Variants in CROCC2 observed in about 807,000 individuals in gnomAD.
CROCC2 encodes the protein ciliary rootlet coiled-coil protein 2.
CROCC2 carries 163 observed loss-of-function variants against 177.6 expected under a neutral mutation model. That is an observed-to-expected ratio of 0.92 (90% confidence interval 0.81 to 1.05). CROCC2 has a LOEUF of 1.05. Among genes scored for constraint, CROCC2 ranks in the 50% least tolerant of loss-of-function variants. The pLI is 0.00. For missense variants in CROCC2, 1,929 were observed against 1,797.8 expected, an observed-to-expected ratio of 1.07 and a Z score of -1.32; for synonymous variants, 904 against 787.3, an observed-to-expected ratio of 1.15 and a Z score of -2.48.
intron 14 of CROCC2, among the ~76,000 whole-genome samples, chr2:240,939,386 T>G (rs1251191957): frequency 6.6e-6 from 1 of 152,144 alleles, no homozygotes; most frequent in East Asian, 1.9e-4. Flanking sequence ...TATATATTTT[T>G]TATTCAACTT....
At chr2:240,911,478 A>G (rs2059287962) in intron 1 of CROCC2, among the ~76,000 whole-genome samples, 1 of 152,022 alleles carries the variant, frequency 6.6e-6, no homozygotes, top group African/African-American at 2.4e-5. Flanking sequence ...TTGTATTTTC[A>G]GTGGAGACGA....
At position 240,958,444 on chromosome 2, in the gene CROCC2, C is replaced by A; in HGVS notation, c.2944-857C>A. 1 of 313,540 alleles carries A rather than the reference C, an allele frequency of 3.2e-6. No homozygotes were observed. Among genetic ancestry groups the A allele is most frequent in the Non-Finnish European group, 4.6e-6 (1 of 215,510 alleles). 19.4% of individuals were successfully genotyped at this position (313,540 alleles called of 1,614,324 possible). On this transcript the variant is annotated intron_variant, in intron 19 of 31. Transcript: ENST00000690015. The surrounding 1 kb of genome is among the most constrained non-coding windows in gnomAD (Gnocchi z 6.7). ...TCCCAAGAGCAGGGGGCACAGGCTGCAGGAACCCCCACCCTAGCAGAATCC... is the reference window on the plus strand; with the variant it reads ...TCCCAAGAGCAGGGGGCACAGGCTGAAGGAACCCCCACCCTAGCAGAATCC...
intron 27 of CROCC2, among the ~76,000 whole-genome samples, chr2:240,976,075 T>C (rs1357899628): frequency 6.6e-6 from 1 of 152,230 alleles, no homozygotes; most frequent in Admixed American, 6.5e-5. Flanking sequence ...GACTGCATCA[T>C]ACCCATGCCC....
intron 1 of CROCC2, among the ~76,000 whole-genome samples, chr2:240,915,363 A>G (rs2106451014): frequency 6.6e-6 from 1 of 152,334 alleles, no homozygotes; most frequent in African/African-American, 2.4e-5. Context: ...AGATTCCAGC[A>G]GCTTGCATTT....
intron 27 of CROCC2, among the ~76,000 whole-genome samples, chr2:240,975,264 G>T (rs1391914789): frequency 6.6e-6 from 1 of 152,234 alleles, no homozygotes; most frequent in Admixed American, 6.5e-5. Flanking sequence ...TCCAGAGGAG[G>T]CCCTGCCACC....
In CROCC2 at chr2:240,966,288, C is replaced by T. The variant is rs1363293583; in HGVS notation, c.4025C>T (p.Ser1342Leu). The T allele has an allele frequency of 5.1e-5, 24 of 475,060 alleles. No homozygotes were observed. Among genetic ancestry groups the T allele is most frequent in the Middle Eastern group, 3.0e-4 (1 of 3,378 alleles). The allele number at this position is 475,060 out of a possible 1,614,324, so 29.4% of individuals were successfully genotyped here. The change falls in exon 25 of 32, where the codon TCG becomes TTG. Residue 1342 changes from serine (S) to leucine (L), a missense_variant. Physicochemically the swap from Ser to Leu is moderately radical, Grantham distance 145. Around this residue, in one of 3 missense-constraint regions of CROCC2, gnomAD observed 388 missense variants for 352.7 expected, o/e 1.10. Transcript: ENST00000690015. ...ACCAGCCCCCCAGCCAGGCCCCACT[C>T]GCCCCTCCGATGGCCCTCGCCCACA... is the stretch of plus-strand genomic sequence containing the variant. ...QGTSPPARPH[S>L]PLRWPSPTPG...
rs867889254 is a variant in CROCC2 at position 240,918,339 on chromosome 2, G to A, written c.79-387G>A. Among the ~76,000 whole-genome samples, 4 of 152,326 alleles carry A rather than the reference G, an allele frequency of 2.6e-5. 1 individual carries two copies. In the South Asian group the frequency reaches 8.3e-4, roughly 32 times the overall value. On this transcript the variant is annotated intron_variant, in intron 1 of 31. Transcript: ENST00000690015. The surrounding 1 kb of genome is among the most constrained non-coding windows in gnomAD (Gnocchi z 6.3). ...ACAAGCTGTGAGACCACCTGCTCCA[G>A]GTGGGCGAGGATGTTGGGTTTCTTG... is the stretch of plus-strand genomic sequence containing the variant.
In CROCC2 at chr2:240,991,269, A is replaced by G. The variant is rs2059877849; in HGVS notation, c.4937A>G (p.Gln1646Arg). The part of the protein sequence containing the change: ...RQQAHLGQAF[Q>R]TGHAQRD ...CAGGCCCACCTCGGCCAGGCCTTCCAGACAGGACAGTGAGCCCTGCTGCAT... is the reference window on the plus strand; with the variant it reads ...CAGGCCCACCTCGGCCAGGCCTTCCGGACAGGACAGTGAGCCCTGCTGCAT... The change falls in exon 31 of 32, where the codon CAG (glutamine) becomes CGG (arginine). Residue 1646 changes from glutamine (Q) to arginine (R), a missense_variant. By Grantham distance (43) the Gln-to-Arg change is conservative. Transcript: ENST00000690015. 9 of 1,548,422 alleles carry G rather than the reference A, an allele frequency of 5.8e-6. No homozygotes were observed. The highest frequency in any genetic ancestry group is 7.9e-6 in the Non-Finnish European group (9 of 1,145,942).
At chr2:240,955,692 C>T (rs1346197034) in intron 18 of CROCC2, among the ~76,000 whole-genome samples, 167 bp from the exon 19 acceptor site, 2 of 152,210 alleles carry the variant, frequency 1.3e-5, no homozygotes, top group Non-Finnish European at 2.9e-5. Context: ...TCTGTAGGAG[C>T]TGCCCCTCCT....
chr2:240,912,846 T>C (rs1378368252), intron 1 of CROCC2, among the ~76,000 whole-genome samples: 1 of 152,136 alleles, frequency 6.6e-6, no homozygotes, highest in African/African-American at 2.4e-5. Flanking sequence ...AGTCGTCTCA[T>C]AGGCCAACAG....
chr2:240,958,535 G>C lies in CROCC2; in HGVS notation c.2944-766G>C, dbSNP rs1376740971. 1.0e-6 allele frequency: 1 copy of C among 983,120 alleles called. No individual in the cohort carries two copies. The highest frequency in any genetic ancestry group is 1.7e-5 in the African/African-American group (1 of 57,310). The allele number at this position is 983,120 out of a possible 1,614,324, so 60.9% of individuals were successfully genotyped here. A position where few individuals can be genotyped will look rare whatever the true frequency, so the allele number is the denominator to read the frequency against. The stretch of plus-strand genomic sequence containing the variant: ...GCCATGTGGGCACCTGTGCCCCCAG[G>C]AACACAAAGCCAGCTCTGGAGGGAG... On this transcript the variant is annotated intron_variant, in intron 19 of 31. Coordinates refer to ENST00000690015, the MANE Select transcript of CROCC2 (RefSeq NM_001351305.2). This position sits in a 1 kb window ranked among gnomAD's most constrained non-coding sequence, Gnocchi z 6.7.
At chr2:240,964,889 G>A (rs1250644199) in intron 22 of CROCC2, among the ~76,000 whole-genome samples, 1 of 152,068 alleles carries the variant, frequency 6.6e-6, no homozygotes, top group Non-Finnish European at 1.5e-5. Flanking sequence ...GCACACGGAA[G>A]TATCCTACAT....
At chr2:240,963,959 T>C in intron 21 of CROCC2, 186 bp downstream of exon 21, 1 of 636,402 alleles carries the variant, frequency 1.6e-6, no homozygotes, top group South Asian at 1.9e-5. Flanking sequence ...TGCTGGCCAG[T>C]GCGAGGGATG....
rs895743062 is a variant in CROCC2 at position 240,959,317 on chromosome 2, C to T, written c.2960C>T (p.Thr987Met). ...TCCCCGCAGGCCACCATCAGTGCCA[C>T]GACTGAGGAGCTGAAGGCCCTCCAG... ...QEQAQATISA[T>M]TEELKALQAQ... The change falls in exon 20 of 32, where the codon ACG (threonine) becomes ATG (methionine). Residue 987 changes from threonine to methionine, a missense_variant. Coordinates refer to ENST00000690015, the MANE Select transcript of CROCC2 (RefSeq NM_001351305.2). 11 of 1,550,472 alleles carry T rather than the reference C, an allele frequency of 7.1e-6. No individual in the cohort carries two copies. Among genetic ancestry groups the T allele is most frequent in the Middle Eastern group, 1.7e-4 (1 of 5,988 alleles).
Position 240,949,584 on chromosome 2 carries a change from G to A in CROCC2, c.2534G>A (p.Arg845Gln), listed in dbSNP as rs543602371. The A allele has an allele frequency of 1.3e-4, 195 of 1,550,410 alleles. 1 individual carries two copies. Among genetic ancestry groups the A allele is most frequent in the Non-Finnish European group, 1.5e-4 (176 of 1,146,970 alleles). Residue 845 changes from arginine (R) to glutamine (Q), a missense_variant, in exon 17 of 32, where the codon CGG (arginine) becomes CAG (glutamine). Physicochemically the swap from Arg to Gln is conservative, Grantham distance 43. This residue lies in a region of CROCC2 where 1,397 missense variants were observed against 1,239.9 expected (regional missense o/e 1.13). Transcript: ENST00000690015. The surrounding 1 kb of genome is among the most constrained non-coding windows in gnomAD (Gnocchi z 4.5). ...SDWEVQEMKL[R>Q]QDTVRLQRQV... ...TGGGAGGTCCAGGAAATGAAGCTGC[G>A]GCAGGACACGGTGCGGCTCCAGCGA...
chr2:240,966,557 C>T lies in CROCC2; in HGVS notation c.4146+148C>T, dbSNP rs188392246. On this transcript the variant is annotated intron_variant, in intron 25 of 31. Transcript: ENST00000690015. ...TTGTTGTGATAAACACCAGCACCACCATGGCCCCCAAGCCCAAGTGCCTTG... is the reference window on the plus strand; with the variant it reads ...TTGTTGTGATAAACACCAGCACCACTATGGCCCCCAAGCCCAAGTGCCTTG... 2.3e-3 allele frequency: 912 copies of T among 397,070 alleles called. 6 individuals are homozygous for T. The highest frequency in any genetic ancestry group is 0.016 in the African/African-American group (762 of 48,706). 24.6% of individuals were successfully genotyped at this position (397,070 alleles called of 1,614,324 possible). A position where few individuals can be genotyped will look rare whatever the true frequency, so the allele number is the denominator to read the frequency against.
In CROCC2 at chr2:240,949,151, C is replaced by T. The variant is rs1559600982; in HGVS notation, c.2482+54C>T. The T allele has an allele frequency of 6.8e-7, 1 of 1,476,184 alleles. No individual in the cohort carries two copies. The highest frequency in any genetic ancestry group is 1.4e-5 in the South Asian group (1 of 70,966). 91.4% of individuals were successfully genotyped at this position (1,476,184 alleles called of 1,614,324 possible). ...TCCCCGAAAGTCAGCCATGGAGGGGCCCCTGGAATGGAGCTCAGTGCCCAC... is the reference window on the plus strand; with the variant it reads ...TCCCCGAAAGTCAGCCATGGAGGGGTCCCTGGAATGGAGCTCAGTGCCCAC... On this transcript the variant is annotated intron_variant, in intron 16 of 31. Coordinates refer to ENST00000690015, the MANE Select transcript of CROCC2 (RefSeq NM_001351305.2). The surrounding 1 kb of genome is among the most constrained non-coding windows in gnomAD (Gnocchi z 4.5).
chr2:240,923,458 C>G (rs2059370770), intron 4 of CROCC2, among the ~76,000 whole-genome samples: 1 of 137,044 alleles, frequency 7.3e-6, no homozygotes, highest in Non-Finnish European at 1.6e-5. Flanking sequence ...CCCGGCCCCC[C>G]ACACTAACCC....
intron 4 of CROCC2, among the ~76,000 whole-genome samples, chr2:240,923,570 A>G (rs1306466140): frequency 1.9e-5 from 1 of 53,048 alleles, no homozygotes; most frequent in African/African-American, 1.0e-4. Flanking sequence ...CCCCCACACT[A>G]ACCCAGTCCC....
Sources: allele counts gnomAD v4.1 joint callset (sites outside exome capture counted in the v4.1 genomes callset), GRCh38; gene constraint gnomAD v4.1.1; regional missense constraint gnomAD v4.1.1; non-coding constraint Gnocchi (gnomAD v3.1); transcripts MANE v1.5; gene names NCBI Gene and HGNC (gene_info 2026-07-23, HGNC 2026-07-21).